Variants in AHCTF1 observed in about 807,000 individuals in gnomAD.
AHCTF1 encodes protein ELYS.
A neutral mutation model predicts 248.4 loss-of-function variants in AHCTF1; 24 were observed. That is an observed-to-expected ratio of 0.10 (90% CI 0.07 to 0.14). The LOEUF (loss-of-function observed/expected upper bound fraction) is 0.14, where lower values mean the gene tolerates loss of function less well. Among genes scored for constraint, AHCTF1 ranks in the 10% least tolerant of loss-of-function variants. The pLI is 1.00. For synonymous variants in AHCTF1, 786 were observed against 929.8 expected, an observed-to-expected ratio of 0.85 and a Z score of 2.81; for missense variants, 2,206 against 2,636.2, an observed-to-expected ratio of 0.84 and a Z score of 3.57.
intron 11 of AHCTF1, among the ~76,000 whole-genome samples, 187 bp from the exon 12 acceptor site, chr1:246,898,523 G>A (rs1234832656): frequency 6.6e-6 from 1 of 152,052 alleles, no homozygotes; most frequent in African/African-American, 2.4e-5. Context: ...TGCTAGTTGT[G>A]AATACTACTA....
At chr1:246,898,776 C>A (rs1284932232) in intron 11 of AHCTF1, among the ~76,000 whole-genome samples, 3 of 152,214 alleles carry the variant, frequency 2.0e-5, no homozygotes, top group African/African-American at 7.2e-5. Flanking sequence ...AGGTCTGCCA[C>A]ATCATACTTC....
intron 1 of AHCTF1, among the ~76,000 whole-genome samples, chr1:246,922,572 T>G (rs1047187274): frequency 1.5e-4 from 23 of 151,832 alleles, no homozygotes; most frequent in African/African-American, 5.3e-4. Flanking sequence ...TTTTTTTTTT[T>G]TAGTAGAAAT....
chr1:246,904,313 T>G (rs1323923239), intron 6 of AHCTF1, among the ~76,000 whole-genome samples: 1 of 152,216 alleles, frequency 6.6e-6, no homozygotes, highest in Non-Finnish European at 1.5e-5. Flanking sequence ...TTCTCAAATA[T>G]TCCTTCCTCA....
In AHCTF1 at chr1:246,891,635, A is replaced by G. The variant is rs1034962697; in HGVS notation, c.1945+144T>C. 3.6e-6 allele frequency: 3 copies of G among 827,238 alleles called. No individual in the cohort carries two copies. The Admixed American group carries it at 1.1e-4, about 31-fold the overall frequency. The allele number at this position is 827,238 out of a possible 1,614,324, so 51.2% of individuals were successfully genotyped here. A position where few individuals can be genotyped will look rare whatever the true frequency, so the allele number is the denominator to read the frequency against. ...ATTCTGTAGCTTTTCATTAAAACAA[A>G]GAAACAAACAAAAACCCTAGCACTG... On this transcript the variant is annotated intron_variant, in intron 15 of 35. Coordinates refer to ENST00000648844, the MANE Select transcript of AHCTF1 (RefSeq NM_001323342.2).
chr1:246,868,964 C>T (rs1281016986), intron 24 of AHCTF1, among the ~76,000 whole-genome samples: 33 of 150,808 alleles, frequency 2.2e-4, no homozygotes, highest in Middle Eastern at 3.4e-3. Flanking sequence ...CCTGCCTCAG[C>T]CTGCTGAGTA....
intron 24 of AHCTF1, among the ~76,000 whole-genome samples, chr1:246,869,048 G>T (rs969409839): frequency 1.4e-4 from 21 of 151,628 alleles, no homozygotes; most frequent in Admixed American, 5.2e-4. Flanking sequence ...GTTTCACCAT[G>T]TTGGCCAGGA....
rs1664106849 is a variant in AHCTF1 at position 246,889,981 on chromosome 1, A to C, written c.2129T>G (p.Phe710Cys). The change falls in exon 17 of 36, where the codon TTT becomes TGT. Residue 710 changes from phenylalanine (F) to cysteine (C), a missense_variant. By Grantham distance (205) the Phe-to-Cys change is radical. Coordinates refer to ENST00000648844, the MANE Select transcript of AHCTF1 (RefSeq NM_001323342.2). ...TTTACTATACCTTGATAAACGCTCA[A>C]ACTTCTGTCGACGACTGGTGTAGTA... is the stretch of plus-strand genomic sequence containing the variant. ...QNYYTSRRQKFERLSRGKWNP... is the reference protein window; with the variant it reads ...QNYYTSRRQKCERLSRGKWNP... The C allele has an allele frequency of 5.6e-6, 9 of 1,611,584 alleles. No individual in the cohort carries two copies. The highest frequency in any genetic ancestry group is 5.9e-6 in the Non-Finnish European group (7 of 1,179,118).
intron 34 of AHCTF1, 44 bp downstream of exon 34, chr1:246,843,751 A>T: frequency 8.6e-7 from 1 of 1,166,324 alleles, no homozygotes; most frequent in Non-Finnish European, 1.1e-6. Flanking sequence ...AAAAAAAAAA[A>T]GTATGTTTTA....
In AHCTF1 at chr1:246,862,209, G is replaced by A. The variant is rs1020992321; in HGVS notation, c.3541-56C>T. 8.2e-5 allele frequency: 114 copies of A among 1,392,468 alleles called. No homozygotes were observed. The African/African-American group carries it at 8.2e-4, about 10-fold the overall frequency. The allele number at this position is 1,392,468 out of a possible 1,614,324, so 86.3% of individuals were successfully genotyped here. ...TTAAAAGTGCTTATAGGCCGGGCGC[G>A]GTGGCTCACGCCTGTAATCCCTGCA... On this transcript the variant is annotated intron_variant, in intron 27 of 35. Transcript: ENST00000648844.
At chr1:246,915,255 G>A (rs775142483) in intron 3 of AHCTF1, among the ~76,000 whole-genome samples, 5 of 152,114 alleles carry the variant, frequency 3.3e-5, no homozygotes, top group East Asian at 1.9e-4. Flanking sequence ...GGTTGAACCC[G>A]GGACACAGAG....
intron 15 of AHCTF1, among the ~76,000 whole-genome samples, chr1:246,891,358 A>G (rs946872889): frequency 1.3e-5 from 2 of 152,180 alleles, no homozygotes; most frequent in Non-Finnish European, 2.9e-5. Flanking sequence ...AGCTAATTCC[A>G]GAACTCAGAT....
chr1:246,856,174 A>G (rs975894573), intron 30 of AHCTF1, among the ~76,000 whole-genome samples: 2 of 152,230 alleles, frequency 1.3e-5, no homozygotes, highest in Admixed American at 6.5e-5. Flanking sequence ...AGTATTCTGG[A>G]ATATTTTCTA....
At chr1:246,883,945 G>C (rs977812052) in intron 21 of AHCTF1, among the ~76,000 whole-genome samples, 1 of 152,048 alleles carries the variant, frequency 6.6e-6, no homozygotes, top group African/African-American at 2.4e-5. Context: ...GGAATCAAAA[G>C]GAGGAAAAAA....
At chr1:246,886,953 C>T (rs770875798) in intron 20 of AHCTF1, among the ~76,000 whole-genome samples, 1 of 152,140 alleles carries the variant, frequency 6.6e-6, no homozygotes, top group Non-Finnish European at 1.5e-5. Flanking sequence ...CTAATATTAA[C>T]GATCACTGTA....
chr1:246,859,152 C>G lies in AHCTF1; in HGVS notation c.4133-1338G>C, dbSNP rs923277816. Among the ~76,000 whole-genome samples the G allele has an allele frequency of 2.0e-5, 3 of 152,106 alleles. No individual in the cohort carries two copies. The South Asian group carries it at 6.2e-4, about 32-fold the overall frequency. ...AAGTTCTTAGAGTAATTAATAATGC[C>G]CATGCTTACTAAGTAAAGATATCGT... On this transcript the variant is annotated intron_variant, in intron 29 of 35. Coordinates refer to ENST00000648844, the MANE Select transcript of AHCTF1 (RefSeq NM_001323342.2).
chr1:246,849,466 A>G (rs1660531798), intron 33 of AHCTF1, 149 bp downstream of exon 33: 1 of 951,678 alleles, frequency 1.1e-6, no homozygotes, highest in East Asian at 2.6e-5. Flanking sequence ...GAAACATGAA[A>G]CCTTTAAACT....
intron 5 of AHCTF1, 36 bp from the exon 6 acceptor site, chr1:246,905,693 AT>A: frequency 6.5e-7 from 1 of 1,527,558 alleles, no homozygotes; most frequent in Non-Finnish European, 9.0e-7. Context: ...TTTTTAAGTT[AT>A]TTTTTAGAAA....
intron 23 of AHCTF1, among the ~76,000 whole-genome samples, chr1:246,876,684 G>T (rs945605853): frequency 6.6e-6 from 1 of 152,136 alleles, no homozygotes; most frequent in African/African-American, 2.4e-5. Flanking sequence ...AACTCCTACT[G>T]CTGGCCTCTA....
At chr1:246,868,968 C>T (rs1259458679) in intron 24 of AHCTF1, among the ~76,000 whole-genome samples, 2 of 150,344 alleles carry the variant, frequency 1.3e-5, no homozygotes, top group African/African-American at 2.5e-5. Context: ...CCTCAGCCTG[C>T]TGAGTAGCTG....
Sources: gnomAD v4.1 joint callset for allele counts (sites outside exome capture counted in the v4.1 genomes callset) on GRCh38, gnomAD v4.1.1 for gene constraint, MANE v1.5 for transcripts, NCBI Gene and HGNC (gene_info 2026-07-23, HGNC 2026-07-21) for gene names.